DNAJC1: variants seen among roughly 807,000 people sequenced by gnomAD.
The protein encoded by DNAJC1 is dnaJ homolog subfamily C member 1.
DNAJC1 carries 58 observed loss-of-function variants against 76.6 expected under a neutral mutation model. The ratio of observed to expected loss-of-function variants is 0.76; its 90% CI spans 0.61 to 0.94. DNAJC1 has a LOEUF of 0.94. DNAJC1 is among the 40% of genes least tolerant of loss of function. The pLI is 0.00. For missense variants in DNAJC1, 689 were observed against 677.3 expected (o/e 1.02, Z -0.19); for synonymous variants, 258 against 267.9 (o/e 0.96, Z 0.36).
At chr10:21,837,721 C>T (rs1835489168) in intron 8 of DNAJC1, among the ~76,000 whole-genome samples, 1 of 151,194 alleles carries the variant, frequency 6.6e-6, no homozygotes, top group African/African-American at 2.4e-5. Context: ...CTGGCAGCCG[C>T]CCCGTCCGGG....
chr10:21,796,118 C>T (rs574888041), intron 9 of DNAJC1, among the ~76,000 whole-genome samples: 49 of 151,876 alleles, frequency 3.2e-4, no homozygotes, highest in African/African-American at 1.1e-3. Flanking sequence ...TACAGGCATG[C>T]ACCACCATAC....
At chr10:21,892,638 ACT>A (rs1343807411) in intron 7 of DNAJC1, among the ~76,000 whole-genome samples, 1 of 151,988 alleles carries the variant, frequency 6.6e-6, no homozygotes, top group East Asian at 1.9e-4. Flanking sequence ...TCTATAACAA[ACT>A]CATTTCAAAT....
intron 1 of DNAJC1, among the ~76,000 whole-genome samples, chr10:21,972,857 T>C (rs1838002084): frequency 6.6e-6 from 1 of 152,078 alleles, no homozygotes; most frequent in South Asian, 2.1e-4. Flanking sequence ...AGGTTGAAAA[T>C]AGAACCAGAG....
At chr10:21,876,535 G>A (rs1271399458) in intron 8 of DNAJC1, among the ~76,000 whole-genome samples, 2 of 152,084 alleles carry the variant, frequency 1.3e-5, no homozygotes, top group Non-Finnish European at 2.9e-5. Flanking sequence ...AAATATCTCA[G>A]CTGAATAATT....
chr10:21,791,193 T>C (rs1441019240), intron 9 of DNAJC1, among the ~76,000 whole-genome samples: 1 of 152,146 alleles, frequency 6.6e-6, no homozygotes, highest in Non-Finnish European at 1.5e-5. Flanking sequence ...ATATGCACAG[T>C]TGTGAATATA....
At chr10:21,948,351 C>T (rs1342499088) in intron 1 of DNAJC1, among the ~76,000 whole-genome samples, 2 of 152,072 alleles carry the variant, frequency 1.3e-5, no homozygotes, top group Admixed American at 6.6e-5. Flanking sequence ...AATCATTGCA[C>T]AAAATAATTT....
At chr10:21,829,627 C>T (rs1589999748) in intron 8 of DNAJC1, among the ~76,000 whole-genome samples, 1 of 152,246 alleles carries the variant, frequency 6.6e-6, no homozygotes, top group East Asian at 1.9e-4. Flanking sequence ...GCTGGGATTA[C>T]AGGCGTGAGC....
In DNAJC1 at chr10:21,782,698, C is replaced by T. The variant is rs534215960; in HGVS notation, c.1099-16389G>A. On this transcript the variant is annotated intron_variant, in intron 9 of 11. Coordinates refer to ENST00000376980, the MANE Select transcript of DNAJC1 (RefSeq NM_022365.4). ...TCCAGCAGCACATCAAAAAGCTTATCCACCATGATCAAGTGGGCTTCATCC... is the reference window on the plus strand; with the variant it reads ...TCCAGCAGCACATCAAAAAGCTTATTCACCATGATCAAGTGGGCTTCATCC... Among the ~76,000 whole-genome samples, 343 of 152,346 alleles carry T rather than the reference C, an allele frequency of 2.3e-3. 3 individuals carry two copies. Among genetic ancestry groups the T allele is most frequent in the African/African-American group, 7.9e-3 (327 of 41,572 alleles).
intron 1 of DNAJC1, among the ~76,000 whole-genome samples, chr10:21,930,031 G>A (rs972439383): frequency 1.6e-4 from 25 of 152,102 alleles, no homozygotes; most frequent in East Asian, 3.9e-4. Context: ...GCTGGAGTGC[G>A]GCGGCACAAT....
intron 6 of DNAJC1, among the ~76,000 whole-genome samples, chr10:21,916,887 C>A (rs186706303): frequency 6.6e-6 from 1 of 151,926 alleles, no homozygotes; most frequent in East Asian, 1.9e-4. Flanking sequence ...TTGTTAGTGA[C>A]CACTAGAAAC....
At chr10:21,912,530 G>GAA (rs1836880812) in intron 6 of DNAJC1, among the ~76,000 whole-genome samples, 1 of 152,054 alleles carries the variant, frequency 6.6e-6, no homozygotes, top group Non-Finnish European at 1.5e-5. Flanking sequence ...CCTTTGTCCT[G>GAA]TAGCAGTAGT....
At chr10:21,969,287 T>G (rs1289019613) in intron 1 of DNAJC1, among the ~76,000 whole-genome samples, 1 of 142,268 alleles carries the variant, frequency 7.0e-6, no homozygotes, top group Non-Finnish European at 1.5e-5. Flanking sequence ...ATCCTTTAAC[T>G]CCTAAAATCC....
At chr10:21,964,768 T>C (rs1200587702) in intron 1 of DNAJC1, among the ~76,000 whole-genome samples, 2 of 151,946 alleles carry the variant, frequency 1.3e-5, no homozygotes, top group Non-Finnish European at 2.9e-5. Flanking sequence ...CATTGTGTTC[T>C]TTTTCTTGAA....
intron 1 of DNAJC1, among the ~76,000 whole-genome samples, chr10:21,978,847 G>C (rs548513404): frequency 3.3e-5 from 5 of 151,966 alleles, no homozygotes; most frequent in Non-Finnish European, 7.4e-5. Context: ...TTTATACAAT[G>C]TTATCAGAAA....
rs114823818 is a variant in DNAJC1 at position 21,765,319 on chromosome 10, C to T, written c.1147+942G>A. Among the ~76,000 whole-genome samples, 523 of 152,244 alleles carry T rather than the reference C, an allele frequency of 3.4e-3. 5 individuals carry two copies. The highest frequency in any genetic ancestry group is 0.012 in the African/African-American group (513 of 41,540). ...CTGGGCTCAAGTGATCCTCCCGCCT[C>T]GGCCTCTAGAGTAGTTGAAACTATA... On this transcript the variant is annotated intron_variant, in intron 10 of 11. Transcript: ENST00000376980.
intron 1 of DNAJC1, among the ~76,000 whole-genome samples, chr10:21,994,845 G>A (rs2131850249): frequency 6.6e-6 from 1 of 150,994 alleles, no homozygotes; most frequent in East Asian, 1.9e-4. Flanking sequence ...ACATATAAAA[G>A]ATCCATAAAG....
At chr10:21,900,959 T>C (rs1188904789) in intron 7 of DNAJC1, among the ~76,000 whole-genome samples, 1 of 152,152 alleles carries the variant, frequency 6.6e-6, no homozygotes, top group East Asian at 1.9e-4. Flanking sequence ...AAAATCACTC[T>C]TCCTTTAGTC....
chr10:21,777,229 T>A (rs148211185), intron 9 of DNAJC1, among the ~76,000 whole-genome samples: 1 of 152,192 alleles, frequency 6.6e-6, no homozygotes, highest in Non-Finnish European at 1.5e-5. Flanking sequence ...AGGTAAGATA[T>A]AGGGCTCTGA....
intron 8 of DNAJC1, among the ~76,000 whole-genome samples, chr10:21,857,479 A>G (rs1451996493): frequency 6.6e-6 from 1 of 152,206 alleles, no homozygotes; most frequent in Non-Finnish European, 1.5e-5. Flanking sequence ...GGCATTAACC[A>G]GAGAAATTTT....
Sources: gnomAD v4.1 joint callset for allele counts (sites outside exome capture counted in the v4.1 genomes callset) on GRCh38, gnomAD v4.1.1 for gene constraint, MANE v1.5 for transcripts, NCBI Gene and HGNC (gene_info 2026-07-23, HGNC 2026-07-21) for gene names.